BRD4: variants seen among roughly 807,000 people sequenced by gnomAD.
BRD4 encodes the protein bromodomain containing 4.
Under a neutral mutation model 142.1 loss-of-function variants are expected in BRD4, and 16 were observed. The observed-to-expected ratio is 0.11, with a 90% CI of 0.08 to 0.17. The LOEUF is 0.17. Among genes scored for constraint, BRD4 ranks in the 10% least tolerant of loss-of-function variants. BRD4 has a pLI of 1.00. For synonymous variants in BRD4, 833 were observed against 707.5 expected (o/e 1.18, Z -2.82); for missense variants, 1,424 against 1,810.9 (o/e 0.79, Z 3.88).
At chr19:15,289,715 T>G (rs181774009) in intron 1 of BRD4, among the ~76,000 whole-genome samples, 115 of 148,634 alleles carry the variant, frequency 7.7e-4, no homozygotes, top group African/African-American at 2.4e-3. Flanking sequence ...TTTTGCACCA[T>G]CCTAATAGAT....
chr19:15,246,306 G>A (rs2047285658), intron 11 of BRD4, among the ~76,000 whole-genome samples: 1 of 152,136 alleles, frequency 6.6e-6, no homozygotes, highest in Non-Finnish European at 1.5e-5. Context: ...TGGCTGCAGA[G>A]GTTGGCAGCC....
At chr19:15,294,251 T>C (rs1326263505) in intron 1 of BRD4, among the ~76,000 whole-genome samples, 1 of 152,266 alleles carries the variant, frequency 6.6e-6, no homozygotes, top group Non-Finnish European at 1.5e-5. Context: ...CTTGCATTTC[T>C]GCAGCTGTAA....
Position 15,251,244 on chromosome 19 carries a change from T to A in BRD4, c.2158+2908A>T, listed in dbSNP as rs557969408. On this transcript the variant is annotated intron_variant, in intron 11 of 19. Coordinates refer to ENST00000679869, the MANE Select transcript of BRD4 (RefSeq NM_001379291.1). ...CCCACGCCTGCATCAGTCCACAGCATCCCGGTCTATGGATAGCTACCAAGA... is the reference window on the plus strand; with the variant it reads ...CCCACGCCTGCATCAGTCCACAGCAACCCGGTCTATGGATAGCTACCAAGA... 1.5e-4 allele frequency among the ~76,000 whole-genome samples: 23 copies of A among 152,048 alleles called. 1 individual carries two copies. The highest frequency in any genetic ancestry group is 1.2e-3 in the South Asian group (6 of 4,816).
chr19:15,294,900 C>CA (rs1316580042), intron 1 of BRD4, among the ~76,000 whole-genome samples: 6 of 152,138 alleles, frequency 3.9e-5, no homozygotes, highest in African/African-American at 1.4e-4. Context: ...ACCCCACGCC[C>CA]AGAAGGCCAT....
rs1051277282 is a variant in BRD4 at position 15,237,073 on chromosome 19, C to T, written c.*1304G>A. On this transcript the variant is annotated 3_prime_UTR_variant, in exon 20 of 20. Coordinates refer to ENST00000679869, the MANE Select transcript of BRD4 (RefSeq NM_001379291.1). The stretch of plus-strand genomic sequence containing the variant: ...GAGCGGCCAGCTGGTTGGGGCTGGG[C>T]GCCAGGTAGGGGAGTCTCTGCCTTA... 6.7e-5 allele frequency: 14 copies of T among 207,456 alleles called. No homozygotes were observed. The highest frequency in any genetic ancestry group is 1.9e-4 in the South Asian group (1 of 5,194). The allele number at this position is 207,456 out of a possible 1,614,324, so 12.9% of individuals were successfully genotyped here.
At chr19:15,276,283 T>C (rs1303339740) in intron 1 of BRD4, among the ~76,000 whole-genome samples, 3 of 152,236 alleles carry the variant, frequency 2.0e-5, no homozygotes, top group Non-Finnish European at 4.4e-5. Context: ...AGAAGTCCTA[T>C]GTGAGACCCA....
chr19:15,273,241 G>T, intron 1 of BRD4, 108 bp from the exon 2 acceptor site: 1 of 1,186,262 alleles, frequency 8.4e-7, no homozygotes, highest in South Asian at 1.7e-5. Flanking sequence ...TTCCCTGGCG[G>T]TAGCTAGCCA....
At chr19:15,291,946 TATG>T (rs1009433100) in intron 1 of BRD4, among the ~76,000 whole-genome samples, 1 of 152,212 alleles carries the variant, frequency 6.6e-6, no homozygotes, top group African/African-American at 2.4e-5. Context: ...TCAGGCAGGT[TATG>T]ATGTCAGCAA....
intron 4 of BRD4, among the ~76,000 whole-genome samples, 166 bp downstream of exon 4, chr19:15,267,250 C>T (rs1482757421): frequency 6.6e-6 from 1 of 152,150 alleles, no homozygotes; most frequent in East Asian, 1.9e-4. Context: ...CCACATGACC[C>T]TATGGGATGG....
At chr19:15,283,326 A>G (rs1263493345) in intron 1 of BRD4, among the ~76,000 whole-genome samples, 1 of 152,242 alleles carries the variant, frequency 6.6e-6, no homozygotes, top group African/African-American at 2.4e-5. Context: ...CCCTGGTGTC[A>G]ATCAGAAAAT....
chr19:15,310,606 G>A (rs1173779181), intron 1 of BRD4, among the ~76,000 whole-genome samples: 8 of 151,780 alleles, frequency 5.3e-5, no homozygotes, highest in Admixed American at 3.3e-4. Flanking sequence ...TGATCCGCCC[G>A]CCTCGGCCTC....
chr19:15,249,988 T>G (rs1014385321), intron 11 of BRD4, among the ~76,000 whole-genome samples: 2 of 152,200 alleles, frequency 1.3e-5, no homozygotes, highest in African/African-American at 4.8e-5. Context: ...TTTCCTTTTT[T>G]GGGGTATCCA....
intron 7 of BRD4, among the ~76,000 whole-genome samples, chr19:15,260,798 C>CAAAAAAAAAAAAAAAAACCA (rs2047461292): frequency 1.3e-5 from 1 of 77,826 alleles, no homozygotes; most frequent in Non-Finnish European, 2.7e-5. Flanking sequence ...GAGAAAAATG[C>CAAAAAAAAAAAAAAAAACCA]AAAAAAAAAA....
At chr19:15,260,929 C>T (rs2047463239) in intron 7 of BRD4, among the ~76,000 whole-genome samples, 1 of 151,944 alleles carries the variant, frequency 6.6e-6, no homozygotes, top group Non-Finnish European at 1.5e-5. Flanking sequence ...AGGGCTAGAA[C>T]ACATCAGAGG....
intron 7 of BRD4, among the ~76,000 whole-genome samples, chr19:15,261,693 T>C (rs569117630): frequency 2.0e-5 from 3 of 152,056 alleles, no homozygotes; most frequent in Admixed American, 6.6e-5. Context: ...GTAATCCTGG[T>C]AGTATGGGAG....
At chr19:15,324,298 T>C (rs1024019063) in intron 1 of BRD4, among the ~76,000 whole-genome samples, 5 of 152,226 alleles carry the variant, frequency 3.3e-5, no homozygotes, top group Non-Finnish European at 5.9e-5. Context: ...TCTCTTAATT[T>C]GAAGCTAATG....
chr19:15,329,366 C>T (rs896471749), intron 1 of BRD4, among the ~76,000 whole-genome samples: 5 of 152,156 alleles, frequency 3.3e-5, no homozygotes, highest in Admixed American at 1.3e-4. Context: ...AAATACAACA[C>T]ACTATACAGT....
Position 15,239,226 on chromosome 19 carries a change from T to C in BRD4, c.3615A>G (p.Leu1205=). 6.2e-7 allele frequency: 1 copy of C among 1,613,144 alleles called. No individual in the cohort carries two copies. Among genetic ancestry groups the C allele is most frequent in the East Asian group, 2.2e-5 (1 of 44,862 alleles). Reference sequence around the variant, plus strand: ...AGGGGGTGGTCGGATGCTTCTGCACTAGGCTGGCCCAGGAGCCCATGTTCT... The same window carrying C: ...AGGGGGTGGTCGGATGCTTCTGCACCAGGCTGGCCCAGGAGCCCATGTTCT... ...KIKNMGSWAS[L]VQKHPTTPSS... Residue 1205 remains leucine, a synonymous_variant, in exon 18 of 20, where the codon CTA becomes CTG. Transcript: ENST00000679869. This position sits in a 1 kb window ranked among gnomAD's most constrained non-coding sequence, Gnocchi z 7.4.
rs779807389 is a variant in BRD4 at position 15,253,653 on chromosome 19, C to T, written c.2158+499G>A. ...CAGGGCCAGCAGCAGACTGGCGATGCGGCTGGCCAGCTGCAGTCTGCTCCA... is the reference window on the plus strand; with the variant it reads ...CAGGGCCAGCAGCAGACTGGCGATGTGGCTGGCCAGCTGCAGTCTGCTCCA... On this transcript the variant is annotated intron_variant, in intron 11 of 19. Transcript: ENST00000679869. 14 of 1,597,502 alleles carry T rather than the reference C, an allele frequency of 8.8e-6. No individual in the cohort carries two copies. The highest frequency in any genetic ancestry group is 1.3e-5 in the African/African-American group (1 of 74,910).
Sources: allele counts gnomAD v4.1 joint callset (sites outside exome capture counted in the v4.1 genomes callset), GRCh38; gene constraint gnomAD v4.1.1; non-coding constraint Gnocchi (gnomAD v3.1); transcripts MANE v1.5; gene names NCBI Gene and HGNC (gene_info 2026-07-23, HGNC 2026-07-21).